IPO8: variants seen among roughly 807,000 people sequenced by gnomAD.
The protein encoded by IPO8 is importin-8.
IPO8 carries 65 observed loss-of-function variants against 141.2 expected under a neutral mutation model. That is an observed-to-expected ratio of 0.46 (90% CI 0.38 to 0.57). The LOEUF (loss-of-function observed/expected upper bound fraction) is 0.57, where lower values mean the gene tolerates loss of function less well. Among genes scored for constraint, IPO8 ranks in the 20% least tolerant of loss-of-function variants. The pLI is 0.00. For synonymous variants in IPO8, 411 were observed against 420.3 expected (o/e 0.98, Z 0.27); for missense variants, 980 against 1,246.8 (o/e 0.79, Z 3.22).
chr12:30,639,078 T>C (rs1425507235), intron 21 of IPO8, among the ~76,000 whole-genome samples: 5 of 152,136 alleles, frequency 3.3e-5, no homozygotes, highest in Non-Finnish European at 7.4e-5. Flanking sequence ...ACTCCACTTT[T>C]GAGAACAGGC....
At chr12:30,656,215 T>C (rs1427104206) in intron 17 of IPO8, among the ~76,000 whole-genome samples, 2 of 152,146 alleles carry the variant, frequency 1.3e-5, no homozygotes, top group African/African-American at 4.8e-5. Context: ...TTTTTTTATT[T>C]TTTGTAGAGA....
rs761918316 is a variant in IPO8, at chr12:30,666,221, G to A, written c.1175C>T (p.Thr392Ile). ...DIFEDYASPT[T>I]AAQTLLYTAA... is the part of the protein sequence containing the mutation. ...AGTATATAAGAGAGTCTGGGCTGCT[G>A]TGGTGGGAGAAGCATAATCTTCAAA... is the stretch of plus-strand genomic sequence containing the variant. The change falls in exon 11 of 25, where the codon ACA (threonine) becomes ATA (isoleucine). Residue 392 changes from threonine (T) to isoleucine (I), a missense_variant. This residue lies in a region of IPO8 where 924 missense variants were observed against 1,153.9 expected (regional missense o/e 0.80). Coordinates refer to ENST00000256079, the MANE Select transcript of IPO8 (RefSeq NM_006390.4). The A allele has an allele frequency of 3.8e-6, 6 of 1,594,330 alleles. No individual in the cohort carries two copies. Among genetic ancestry groups the A allele is most frequent in the Admixed American group, 3.5e-5 (2 of 57,252 alleles).
chr12:30,639,043 T>C (rs915546376), intron 21 of IPO8, among the ~76,000 whole-genome samples: 7 of 152,154 alleles, frequency 4.6e-5, no homozygotes, highest in Non-Finnish European at 8.8e-5. Flanking sequence ...GGGCAGCACC[T>C]GGGCTACAAA....
At chr12:30,665,482 A>G (rs566380581) in intron 12 of IPO8, among the ~76,000 whole-genome samples, 173 bp from the exon 13 acceptor site, 61 of 152,314 alleles carry the variant, frequency 4.0e-4, no homozygotes, top group African/African-American at 1.5e-3. Context: ...TATCAGTTTG[A>G]TATTGATTGA....
chr12:30,637,105 C>T lies in IPO8; in HGVS notation c.2572G>A (p.Val858Met), dbSNP rs905967735. 1 of 1,613,938 alleles carries T rather than the reference C, an allele frequency of 6.2e-7. No individual in the cohort carries two copies. The highest frequency in any genetic ancestry group is 1.1e-5 in the South Asian group (1 of 91,078). Residue 858 changes from valine (V) to methionine (M), a missense_variant, in exon 22 of 25, where the codon GTG (valine) becomes ATG (methionine). By Grantham distance (21) the Val-to-Met change is conservative (BLOSUM62 1). Around this residue, in one of 3 missense-constraint regions of IPO8, gnomAD observed 924 missense variants for 1,153.9 expected, o/e 0.80. Transcript: ENST00000256079. ...AGAATTGAGGGAACAATCTGTCCCA[C>T]CACAGCATCTACTGCAGGAGGTCGA... Reference protein sequence around the residue: ...QNRPPAVDAVVGQIVPSILFL... With the variant: ...QNRPPAVDAVMGQIVPSILFL...
chr12:30,671,581 G>A (rs1352452790), intron 8 of IPO8, among the ~76,000 whole-genome samples: 1 of 150,720 alleles, frequency 6.6e-6, no homozygotes, highest in Non-Finnish European at 1.5e-5. Flanking sequence ...GGCTGAGGCA[G>A]GAGAATGGCA....
At chr12:30,669,421 G>A in intron 9 of IPO8, 139 bp from the exon 10 acceptor site, 1 of 486,008 alleles carries the variant, frequency 2.1e-6, no homozygotes, top group Non-Finnish European at 3.6e-6. Flanking sequence ...TCAAGTCGAG[G>A]TTATATTTAC....
At chr12:30,680,083 T>C (rs2136169059) in intron 5 of IPO8, among the ~76,000 whole-genome samples, 1 of 152,092 alleles carries the variant, frequency 6.6e-6, no homozygotes, top group Non-Finnish European at 1.5e-5. Flanking sequence ...ATCAATATGA[T>C]TTCCCAATAG....
chr12:30,642,131 G>A (rs1362358904), intron 20 of IPO8, among the ~76,000 whole-genome samples: 1 of 152,092 alleles, frequency 6.6e-6, no homozygotes, highest in Non-Finnish European at 1.5e-5. Flanking sequence ...AGGAGATGGA[G>A]GTTGCAGTGA....
intron 23 of IPO8, among the ~76,000 whole-genome samples, chr12:30,633,386 T>A (rs1239251983): frequency 6.6e-6 from 1 of 152,154 alleles, no homozygotes; most frequent in East Asian, 1.9e-4. Context: ...AAACAAATAA[T>A]CTATATTAAT....
Position 30,629,115 on chromosome 12 carries a change from A to C in IPO8, c.*1745T>G, listed in dbSNP as rs1356275969. 1 of 152,196 alleles carries C rather than the reference A, an allele frequency of 6.6e-6. No individual in the cohort carries two copies. Among genetic ancestry groups the C allele is most frequent in the Non-Finnish European group, 1.5e-5 (1 of 68,032 alleles). 9.4% of individuals were successfully genotyped at this position (152,196 alleles called of 1,614,324 possible). A position where few individuals can be genotyped will look rare whatever the true frequency, so the allele number is the denominator to read the frequency against. On this transcript the variant is annotated 3_prime_UTR_variant, in exon 25 of 25. Coordinates refer to ENST00000256079, the MANE Select transcript of IPO8 (RefSeq NM_006390.4). ...ATCATACAACTACCCTGGCTTCAAA[A>C]ACAAGATAGGGTAATGCACATTAAT...
intron 8 of IPO8, among the ~76,000 whole-genome samples, chr12:30,671,358 T>A (rs964500438): frequency 2.0e-5 from 3 of 152,086 alleles, no homozygotes; most frequent in African/African-American, 7.2e-5. Context: ...TCAAAGTAAG[T>A]TAAAACTCCT....
chr12:30,662,595 T>C lies in IPO8; in HGVS notation c.1595-108A>G. On this transcript the variant is annotated intron_variant, in intron 14 of 24. Coordinates refer to ENST00000256079, the MANE Select transcript of IPO8 (RefSeq NM_006390.4). ...GACCCAGGGTAATACCTAAATCAGGTTCTAGATACACACTTGCTCTGTGGT... is the reference window on the plus strand; with the variant it reads ...GACCCAGGGTAATACCTAAATCAGGCTCTAGATACACACTTGCTCTGTGGT... 2.6e-6 allele frequency: 2 copies of C among 768,408 alleles called. 1 individual carries two copies. Among genetic ancestry groups the C allele is most frequent in the South Asian group, 2.9e-5 (2 of 68,126 alleles). The allele number at this position is 768,408 out of a possible 1,614,324, so 47.6% of individuals were successfully genotyped here.
chr12:30,688,683 T>A (rs1172240694), intron 2 of IPO8: 2 of 185,798 alleles, frequency 1.1e-5, no homozygotes, highest in Non-Finnish European at 2.3e-5. Context: ...TGCCTTTCAA[T>A]GCTGTTTACA....
chr12:30,690,602 T>A (rs1233645520), intron 1 of IPO8, 25 bp from the exon 2 acceptor site: 1 of 1,311,398 alleles, frequency 7.6e-7, no homozygotes, highest in Admixed American at 2.0e-5. Flanking sequence ...AAATGTTTTA[T>A]AAAATAGGGC....
intron 7 of IPO8, 76 bp from the exon 8 acceptor site, chr12:30,674,150 T>A: frequency 1.1e-6 from 1 of 942,656 alleles, no homozygotes; most frequent in Non-Finnish European, 1.7e-6. Context: ...TTAAATATAG[T>A]CGCTTATTCA....
chr12:30,669,302 A>G lies in IPO8; in HGVS notation c.1045-20T>C. On this transcript the variant is annotated intron_variant, in intron 9 of 24. Transcript: ENST00000256079. ...GATATTCTAAAATGAGAAAAAAAAA[A>G]AAACGTAACAAATGGGTATAGGCTA... 8.1e-7 allele frequency: 1 copy of G among 1,240,206 alleles called. No individual in the cohort carries two copies. The highest frequency in any genetic ancestry group is 1.2e-6 in the Non-Finnish European group (1 of 867,900). The allele number at this position is 1,240,206 out of a possible 1,614,324, so 76.8% of individuals were successfully genotyped here.
At chr12:30,635,399 A>G (rs10843798) in intron 22 of IPO8, among the ~76,000 whole-genome samples, 35,452 of 152,076 alleles carry the variant, frequency 0.23, 4,393 homozygotes, top group Middle Eastern at 0.3. Context: ...ATATTCACAA[A>G]TCATAACATC....
intron 20 of IPO8, among the ~76,000 whole-genome samples, chr12:30,647,113 T>G (rs572466013): frequency 6.6e-6 from 1 of 152,172 alleles, no homozygotes; most frequent in South Asian, 2.1e-4. Flanking sequence ...TAAGAACAGA[T>G]AAGTACATAA....
Sources: gnomAD v4.1 joint callset for allele counts (sites outside exome capture counted in the v4.1 genomes callset) on GRCh38, gnomAD v4.1.1 for gene constraint, gnomAD v4.1.1 regional missense constraint, MANE v1.5 for transcripts, NCBI Gene and HGNC (gene_info 2026-07-23, HGNC 2026-07-21) for gene names.